Variants in TRPV2 observed in about 807,000 individuals in gnomAD.
The protein encoded by TRPV2 is transient receptor potential cation channel subfamily V member 2.
A neutral mutation model predicts 91.0 loss-of-function variants in TRPV2; 58 were observed. That is an observed-to-expected ratio of 0.64 (90% CI 0.52 to 0.79). The LOEUF (loss-of-function observed/expected upper bound fraction) is 0.79, where lower values mean the gene tolerates loss of function less well. Among genes scored for constraint, TRPV2 ranks in the 30% least tolerant of loss-of-function variants. The probability of loss-of-function intolerance (pLI) is 0.00; values close to 1 mark genes in which losing one functional copy is unlikely to be tolerated. For synonymous variants in TRPV2, 417 were observed against 414.8 expected (o/e 1.01, Z -0.06); for missense variants, 807 against 969.6 (o/e 0.83, Z 2.23).
chr17:16,422,131 G>A (rs538714785), intron 3 of TRPV2, among the ~76,000 whole-genome samples: 7 of 151,804 alleles, frequency 4.6e-5, no homozygotes, highest in East Asian at 3.9e-4. Flanking sequence ...GGTAAAACCC[G>A]TCTCTGCTGA....
chr17:16,433,635 C>T lies in TRPV2; in HGVS notation c.2051C>T (p.Ala684Val). Residue 684 changes from alanine (A) to valine (V), a missense_variant, in exon 13 of 15, where the codon GCA becomes GTA. By Grantham distance (64) the Ala-to-Val change is moderately conservative (BLOSUM62 0). Transcript: ENST00000338560. ...GYWWCRKKQRAGVMLTVGTKP... is the reference protein window; with the variant it reads ...GYWWCRKKQRVGVMLTVGTKP... ...TGGTGGTGCAGGAAGAAGCAGCGGGCAGGTGTGATGCTGACCGTTGGCACT... is the reference window on the plus strand; with the variant it reads ...TGGTGGTGCAGGAAGAAGCAGCGGGTAGGTGTGATGCTGACCGTTGGCACT... The T allele has an allele frequency of 6.2e-7, 1 of 1,614,182 alleles. No individual in the cohort carries two copies. Among genetic ancestry groups the T allele is most frequent in the Non-Finnish European group, 8.5e-7 (1 of 1,180,028 alleles).
chr17:16,426,592 C>G lies in TRPV2; in HGVS notation c.1096-130C>G, dbSNP rs1568913340. 3.5e-6 allele frequency: 4 copies of G among 1,129,742 alleles called. No individual in the cohort carries two copies. The South Asian group carries it at 6.4e-5, about 18-fold the overall frequency. 70.0% of individuals were successfully genotyped at this position (1,129,742 alleles called of 1,614,324 possible). On this transcript the variant is annotated intron_variant, in intron 6 of 14. Transcript: ENST00000338560. This position sits in a 1 kb window ranked among gnomAD's most constrained non-coding sequence, Gnocchi z 6.0. ...GGTTGGCGTGAGGTCCTTTGGGGCTCCTGGGGTGTGGAAGCCTGCTCCCTG... is the reference window on the plus strand; with the variant it reads ...GGTTGGCGTGAGGTCCTTTGGGGCTGCTGGGGTGTGGAAGCCTGCTCCCTG...
At chr17:16,423,107 C>T (rs567161772) in intron 4 of TRPV2, among the ~76,000 whole-genome samples, 12 of 152,354 alleles carry the variant, frequency 7.9e-5, no homozygotes, top group Non-Finnish European at 1.5e-4. Flanking sequence ...CTTAGCTTCT[C>T]GAGCTGGGGC....
At chr17:16,430,778 G>A (rs764244023) in intron 10 of TRPV2, among the ~76,000 whole-genome samples, 1 of 152,066 alleles carries the variant, frequency 6.6e-6, no homozygotes, top group African/African-American at 2.4e-5. Context: ...GAGCCATCAC[G>A]CCCAGCCAAT....
chr17:16,429,914 G>A (rs1201995855), intron 10 of TRPV2, among the ~76,000 whole-genome samples: 2 of 150,576 alleles, frequency 1.3e-5, no homozygotes, highest in Admixed American at 6.6e-5. Context: ...ACCTAGGCTA[G>A]AGTGCAATGG....
At chr17:16,429,124 T>G in intron 10 of TRPV2, 142 bp downstream of exon 10, 1 of 927,996 alleles carries the variant, frequency 1.1e-6, no homozygotes, top group Non-Finnish European at 1.6e-6. Flanking sequence ...GATGGAAGCT[T>G]AAGTACAGGC....
chr17:16,417,866 C>T lies in TRPV2; in HGVS notation c.198C>T (p.Ala66=). 1.2e-6 allele frequency: 2 copies of T among 1,613,716 alleles called. No individual in the cohort carries two copies. Among genetic ancestry groups the T allele is most frequent in the Non-Finnish European group, 8.5e-7 (1 of 1,179,758 alleles). ...TCAACTACCGAAAGGGAACAGGTGC[C>T]AGGTGAGACAGCAAGTGGGGGCAGG... The part of the protein sequence containing the change: ...VNLNYRKGTG[A]SQPDPNRFDR... Residue 66 remains alanine (A), a splice_region_variant and synonymous_variant, in exon 2 of 15, where the codon GCC becomes GCT. Coordinates refer to ENST00000338560, the MANE Select transcript of TRPV2 (RefSeq NM_016113.5).
At chr17:16,436,689 G>A (rs1046657421) in intron 14 of TRPV2, 100 bp from the exon 15 acceptor site, 18 of 813,242 alleles carry the variant, frequency 2.2e-5, no homozygotes, top group African/African-American at 1.3e-4. Flanking sequence ...CTGTCCCCAC[G>A]GCATGACGTG....
Position 16,428,588 on chromosome 17 carries a change from G to GTGA in TRPV2, c.1421+202_1421+204dup, listed in dbSNP as rs1393443857. 5.6e-6 allele frequency: 4 copies of GTGA among 712,156 alleles called. No individual in the cohort carries two copies. The African/African-American group carries it at 7.1e-5, about 13-fold the overall frequency. 44.1% of individuals were successfully genotyped at this position (712,156 alleles called of 1,614,324 possible). A position where few individuals can be genotyped will look rare whatever the true frequency, so the allele number is the denominator to read the frequency against. ...GCTCCCATCACTGTAGATGGTGATA[G>GTGA]TGACATTTACTAGGCCTCGGCACAT... On this transcript the variant is annotated intron_variant, in intron 9 of 14. Coordinates refer to ENST00000338560, the MANE Select transcript of TRPV2 (RefSeq NM_016113.5).
chr17:16,424,395 C>T (rs753801008), intron 5 of TRPV2, among the ~76,000 whole-genome samples: 2 of 151,746 alleles, frequency 1.3e-5, no homozygotes, highest in Admixed American at 6.6e-5. Flanking sequence ...CTCCTGACCT[C>T]GTGATCCACC....
intron 8 of TRPV2, 71 bp downstream of exon 8, chr17:16,427,618 T>C: frequency 7.0e-7 from 1 of 1,421,002 alleles, no homozygotes; most frequent in Admixed American, 2.0e-5. Flanking sequence ...TAGAGAAAGT[T>C]AGCTGCATCC....
At chr17:16,429,811 G>A (rs978659504) in intron 10 of TRPV2, among the ~76,000 whole-genome samples, 2 of 151,534 alleles carry the variant, frequency 1.3e-5, no homozygotes, top group Non-Finnish European at 1.5e-5. Flanking sequence ...GGGATTTGGA[G>A]GTCCCCAGAG....
chr17:16,426,584 T>C lies in TRPV2; in HGVS notation c.1096-138T>C. On this transcript the variant is annotated intron_variant, in intron 6 of 14. Transcript: ENST00000338560. This position sits in a 1 kb window ranked among gnomAD's most constrained non-coding sequence, Gnocchi z 6.0. The stretch of plus-strand genomic sequence containing the variant: ...GCTGGGAGGGTTGGCGTGAGGTCCT[T>C]TGGGGCTCCTGGGGTGTGGAAGCCT... 9.5e-7 allele frequency: 1 copy of C among 1,053,444 alleles called. No individual in the cohort carries two copies. The highest frequency in any genetic ancestry group is 1.3e-6 in the Non-Finnish European group (1 of 746,912). The allele number at this position is 1,053,444 out of a possible 1,614,324, so 65.3% of individuals were successfully genotyped here. A position where few individuals can be genotyped will look rare whatever the true frequency, so the allele number is the denominator to read the frequency against.
At chr17:16,427,005 C>A in intron 7 of TRPV2, 128 bp downstream of exon 7, 1 of 1,063,006 alleles carries the variant, frequency 9.4e-7, no homozygotes, top group Non-Finnish European at 1.4e-6. Context: ...CTTATGGGAG[C>A]CAGCACTGCA....
chr17:16,420,115 T>C lies in TRPV2; in HGVS notation c.201T>C (p.Ser67=). The change falls in exon 3 of 15, where the codon AGT becomes AGC. Residue 67 remains serine, a splice_region_variant and synonymous_variant. Coordinates refer to ENST00000338560, the MANE Select transcript of TRPV2 (RefSeq NM_016113.5). The part of the protein sequence containing the change: ...NLNYRKGTGA[S]QPDPNRFDRD... Reference sequence around the variant, plus strand: ...GAGTCACAAACCACATCCTCCACAGTCAGCCGGATCCAAACCGATTTGACC... The same window carrying C: ...GAGTCACAAACCACATCCTCCACAGCCAGCCGGATCCAAACCGATTTGACC... 1 of 1,612,172 alleles carries C rather than the reference T, an allele frequency of 6.2e-7. No individual in the cohort carries two copies. The highest frequency in any genetic ancestry group is 8.5e-7 in the Non-Finnish European group (1 of 1,178,576).
In TRPV2 at chr17:16,434,935, G is replaced by A. The variant is rs1291705425; in HGVS notation, c.2160G>A (p.Thr720=). The A allele has an allele frequency of 6.2e-6, 10 of 1,611,694 alleles. No homozygotes were observed. Among genetic ancestry groups the A allele is most frequent in the Non-Finnish European group, 8.5e-6 (10 of 1,179,068 alleles). Residue 720 remains threonine, a synonymous_variant, in exon 14 of 15, where the codon ACG becomes ACA. Coordinates refer to ENST00000338560, the MANE Select transcript of TRPV2 (RefSeq NM_016113.5). ...NWASWEQTLP[T]LCEDPSGAGV... ...CTTCATGGGAGCAGACGCTGCCTACGCTGTGTGAGGACCCGTCAGGGGCAG... is the reference window on the plus strand; with the variant it reads ...CTTCATGGGAGCAGACGCTGCCTACACTGTGTGAGGACCCGTCAGGGGCAG...
In TRPV2 at chr17:16,423,489, G is replaced by A. The variant is rs1316675238; in HGVS notation, c.646G>A (p.Ala216Thr). The A allele has an allele frequency of 6.2e-7, 1 of 1,609,926 alleles. No homozygotes were observed. Among genetic ancestry groups the A allele is most frequent in the Non-Finnish European group, 8.5e-7 (1 of 1,177,284 alleles). ...FYFGELPLSL[A>T]ACTKQWDVVS... ...TGCAGGTGAGCTACCCCTCTCTTTG[G>A]CCGCTTGCACCAAGCAGTGGGATGT... The change falls in exon 5 of 15, where the codon GCC becomes ACC. Residue 216 changes from alanine (A) to threonine (T), a missense_variant. Ala to Thr is a moderately conservative substitution (Grantham distance 58). Coordinates refer to ENST00000338560, the MANE Select transcript of TRPV2 (RefSeq NM_016113.5).
Position 16,431,773 on chromosome 17 carries a change from A to C in TRPV2, c.1588-11A>C, listed in dbSNP as rs772665912. The C allele has an allele frequency of 6.2e-7, 1 of 1,614,048 alleles. No homozygotes were observed. Among genetic ancestry groups the C allele is most frequent in the Non-Finnish European group, 8.5e-7 (1 of 1,179,940 alleles). On this transcript the variant is annotated splice_polypyrimidine_tract_variant and intron_variant, in intron 10 of 14. Coordinates refer to ENST00000338560, the MANE Select transcript of TRPV2 (RefSeq NM_016113.5). Reference sequence around the variant, plus strand: ...GCTACCCACCCTGGCCCCTGGGCACATGTGTTCCAGGTCATCCTGCGGGAC... The same window carrying C: ...GCTACCCACCCTGGCCCCTGGGCACCTGTGTTCCAGGTCATCCTGCGGGAC...
Position 16,432,148 on chromosome 17 carries a change from C to T in TRPV2, c.1837C>T (p.Gln613Ter), listed in dbSNP as rs1288083605. 2 of 1,614,256 alleles carry T rather than the reference C, an allele frequency of 1.2e-6. No homozygotes were observed. The highest frequency in any genetic ancestry group is 1.7e-5 in the Admixed American group (1 of 60,032). ...FTIGMGELAF[Q>*]EQLHFRGMVL... ...CATCGGCATGGGCGAGCTGGCCTTC[C>T]AGGAGCAGCTGCACTTCCGCGGCAT... The change falls in exon 12 of 15, where the codon CAG becomes TAG. Residue 613 changes from glutamine (Q) to a stop codon, truncating the protein, a stop_gained. Coordinates refer to ENST00000338560, the MANE Select transcript of TRPV2 (RefSeq NM_016113.5). LOFTEE classifies it high-confidence loss of function.
Sources: gnomAD v4.1 joint callset for allele counts (sites outside exome capture counted in the v4.1 genomes callset) on GRCh38, gnomAD v4.1.1 for gene constraint, Gnocchi (gnomAD v3.1) non-coding constraint, MANE v1.5 for transcripts, NCBI Gene and HGNC (gene_info 2026-07-23, HGNC 2026-07-21) for gene names.